The following NUP205 variants were observed in gnomAD, a reference collection of about 807,000 sequenced individuals.
NUP205 encodes nuclear pore complex protein Nup205.
NUP205 carries 76 observed loss-of-function variants against 253.8 expected under a neutral mutation model. That is an observed-to-expected ratio of 0.30 (90% CI 0.25 to 0.36). The LOEUF is 0.36. Ranked by LOEUF, NUP205 falls within the 10% of genes least tolerant of loss-of-function variation. The pLI is 1.00. For synonymous variants in NUP205, 832 were observed against 850.1 expected, an observed-to-expected ratio of 0.98 and a Z score of 0.37; for missense variants, 2,162 against 2,425.5, an observed-to-expected ratio of 0.89 and a Z score of 2.28.
chr7:135,634,476 GT>G (rs1213840578), intron 35 of NUP205, among the ~76,000 whole-genome samples: 2 of 152,254 alleles, frequency 1.3e-5, no homozygotes, highest in Non-Finnish European at 2.9e-5. Context: ...CAAAATCAAG[GT>G]TTCAAGGAGT....
intron 38 of NUP205, among the ~76,000 whole-genome samples, chr7:135,639,622 C>T (rs1013641839): frequency 4.0e-5 from 6 of 150,004 alleles, no homozygotes; most frequent in African/African-American, 2.5e-5. Flanking sequence ...ACCCAGGAGG[C>T]GGAGGTTGCG....
At chr7:135,562,545 CTTT>C (rs34482653) in intron 1 of NUP205, among the ~76,000 whole-genome samples, 43 of 97,390 alleles carry the variant, frequency 4.4e-4, no homozygotes, top group Admixed American at 8.1e-4. Flanking sequence ...GACCAAAATC[CTTT>C]TTTTTTTTTT....
At chr7:135,563,658 T>C (rs1805659212) in intron 1 of NUP205, among the ~76,000 whole-genome samples, 2 of 152,018 alleles carry the variant, frequency 1.3e-5, no homozygotes, top group Non-Finnish European at 2.9e-5. Context: ...ATGGTAAAAA[T>C]ACATATTTAG....
chr7:135,643,932 G>T lies in NUP205; in HGVS notation c.5559+574G>T, dbSNP rs1364474612. Among the ~76,000 whole-genome samples, 4 of 152,210 alleles carry T rather than the reference G, an allele frequency of 2.6e-5. No homozygotes were observed. The South Asian group carries it at 8.3e-4, about 32-fold the overall frequency. Reference sequence around the variant, plus strand: ...CCTAAGGCAGTGCTGAAGCTTCCTGGTGTCCTGTCGCAGCCTGAATGTTGA... The same window carrying T: ...CCTAAGGCAGTGCTGAAGCTTCCTGTTGTCCTGTCGCAGCCTGAATGTTGA... On this transcript the variant is annotated intron_variant, in intron 39 of 42. Coordinates refer to ENST00000285968, the MANE Select transcript of NUP205 (RefSeq NM_015135.3).
intron 1 of NUP205, among the ~76,000 whole-genome samples, chr7:135,569,108 G>T (rs929673934): frequency 6.6e-6 from 1 of 152,104 alleles, no homozygotes; most frequent in Non-Finnish European, 1.5e-5. Flanking sequence ...GTCTCACTCT[G>T]TTGCCAGGCT....
Position 135,606,218 on chromosome 7 carries a change from T to C in NUP205, c.2897T>C (p.Leu966Pro). 1 of 1,605,040 alleles carries C rather than the reference T, an allele frequency of 6.2e-7. No homozygotes were observed. Among genetic ancestry groups the C allele is most frequent in the Non-Finnish European group, 8.5e-7 (1 of 1,171,898 alleles). Residue 966 changes from leucine to proline, a missense_variant, in exon 20 of 43, where the codon CTG becomes CCG. Coordinates refer to ENST00000285968, the MANE Select transcript of NUP205 (RefSeq NM_015135.3). The part of the protein sequence containing the change: ...DCEDAEEFVR[L>P]EEGSELEKKL... Reference sequence around the variant, plus strand: ...GAAGATGCAGAAGAATTTGTACGTCTGGAAGAGGGTATGCCTTAGATTAAT... The same window carrying C: ...GAAGATGCAGAAGAATTTGTACGTCCGGAAGAGGGTATGCCTTAGATTAAT...
At chr7:135,567,124 G>GTA (rs1310178860) in intron 1 of NUP205, among the ~76,000 whole-genome samples, 761 of 24,084 alleles carry the variant, frequency 0.032, 68 homozygotes, top group African/African-American at 0.11. Flanking sequence ...CTCAGTCTAT[G>GTA]TGTGTATATA....
At chr7:135,603,393 G>A (rs1470896608) in intron 18 of NUP205, among the ~76,000 whole-genome samples, 8 of 151,824 alleles carry the variant, frequency 5.3e-5, no homozygotes, top group Admixed American at 6.6e-5. Flanking sequence ...GATTATAGGC[G>A]TGAACCACCG....
At chr7:135,644,672 G>A (rs555947887) in intron 39 of NUP205, among the ~76,000 whole-genome samples, 1 of 152,310 alleles carries the variant, frequency 6.6e-6, no homozygotes, top group East Asian at 1.9e-4. Context: ...TTCAGGGACA[G>A]ACTTTTTCAA....
intron 22 of NUP205, among the ~76,000 whole-genome samples, chr7:135,613,174 A>C (rs925959011): frequency 6.6e-5 from 10 of 151,444 alleles, no homozygotes; most frequent in Admixed American, 6.6e-4. Flanking sequence ...ACAGATGGAC[A>C]TTTTTTATTA....
chr7:135,587,865 T>C lies in NUP205; in HGVS notation c.1346T>C (p.Leu449Pro). The change falls in exon 10 of 43, where the codon CTA (leucine) becomes CCA (proline). Residue 449 changes from leucine (L) to proline (P), a missense_variant. Physicochemically the swap from Leu to Pro is moderately conservative, Grantham distance 98 (BLOSUM62 -3). This residue lies in a region of NUP205 where 892 missense variants were observed against 957.1 expected (regional missense o/e 0.93). Coordinates refer to ENST00000285968, the MANE Select transcript of NUP205 (RefSeq NM_015135.3). Reference sequence around the variant, plus strand: ...GCTTACTCTTTGCAGATTGGCGAGCTATATAAAAAGAACCCTTTTCATCTG... The same window carrying C: ...GCTTACTCTTTGCAGATTGGCGAGCCATATAAAAAGAACCCTTTTCATCTG... ...LEHLMLLIGE[L>P]YKKNPFHLEL... 6.2e-7 allele frequency: 1 copy of C among 1,612,212 alleles called. No homozygotes were observed. The highest frequency in any genetic ancestry group is 8.5e-7 in the Non-Finnish European group (1 of 1,179,274).
At chr7:135,600,323 T>C (rs1174442084) in intron 15 of NUP205, among the ~76,000 whole-genome samples, 1 of 152,212 alleles carries the variant, frequency 6.6e-6, no homozygotes, top group Non-Finnish European at 1.5e-5. Context: ...CTTCTTAACC[T>C]TCTTTGACTA....
At chr7:135,641,981 G>C (rs1292620399) in intron 38 of NUP205, among the ~76,000 whole-genome samples, 2 of 152,060 alleles carry the variant, frequency 1.3e-5, no homozygotes, top group Non-Finnish European at 2.9e-5. Context: ...TGGGCCAGGT[G>C]TGGTGGCTCG....
At chr7:135,632,871 C>G (rs940703588) in intron 35 of NUP205, among the ~76,000 whole-genome samples, 4 of 152,140 alleles carry the variant, frequency 2.6e-5, no homozygotes, top group Admixed American at 1.3e-4. Flanking sequence ...TTCTCATCAG[C>G]ACATACAGCT....
Position 135,600,962 on chromosome 7 carries a change from A to G in NUP205, c.2367A>G (p.Glu789=), listed in dbSNP as rs1793953581. 3.2e-6 allele frequency: 5 copies of G among 1,578,010 alleles called. No individual in the cohort carries two copies. The South Asian group carries it at 5.6e-5, about 18-fold the overall frequency. The part of the protein sequence containing the change: ...QLEDFVDQFV[E]LQGEEIIAYK... ...AAGATTTTGTAGACCAGTTTGTGGA[A>G]CTACAAGGTAATTTAATTCTGTCAC... is the stretch of plus-strand genomic sequence containing the variant. The change falls in exon 16 of 43, where the codon GAA becomes GAG. Residue 789 remains glutamate, a synonymous_variant. Transcript: ENST00000285968.
At chr7:135,623,024 T>A in intron 31 of NUP205, 99 bp downstream of exon 31, 3 of 1,266,834 alleles carry the variant, frequency 2.4e-6, no homozygotes. Flanking sequence ...ATGCCTGTAA[T>A]CTCAGTGCTT....
intron 16 of NUP205, 59 bp from the exon 17 acceptor site, chr7:135,601,311 C>G: frequency 1.4e-6 from 2 of 1,454,160 alleles, no homozygotes; most frequent in South Asian, 1.2e-5. Context: ...TCATATAAAT[C>G]AAGGGTGTGA....
chr7:135,621,860 C>T (rs529899682), intron 30 of NUP205, among the ~76,000 whole-genome samples: 25 of 152,124 alleles, frequency 1.6e-4, no homozygotes, highest in East Asian at 3.9e-4. Flanking sequence ...TGGAGTACAG[C>T]GGTGCGATCT....
In NUP205 at chr7:135,618,247, A is replaced by G. The variant is rs565129977; in HGVS notation, c.3772-165A>G. On this transcript the variant is annotated intron_variant, in intron 27 of 42. Coordinates refer to ENST00000285968, the MANE Select transcript of NUP205 (RefSeq NM_015135.3). ...GCACATACACACACATACACACCTT[A>G]TATGTTAATATTTTTTATAGCCCTG... Among the ~76,000 whole-genome samples the G allele has an allele frequency of 3.3e-5, 5 of 152,252 alleles. No individual in the cohort carries two copies. In the South Asian group the frequency reaches 8.3e-4, roughly 25 times the overall value.
Sources: allele counts gnomAD v4.1 joint callset (sites outside exome capture counted in the v4.1 genomes callset), GRCh38; gene constraint gnomAD v4.1.1; regional missense constraint gnomAD v4.1.1; transcripts MANE v1.5; gene names NCBI Gene and HGNC (gene_info 2026-07-23, HGNC 2026-07-21).